Variants in FNDC3A observed in about 807,000 individuals in gnomAD.
The protein encoded by FNDC3A is fibronectin type III domain containing 3A.
Under a neutral mutation model 148.9 loss-of-function variants are expected in FNDC3A, and 32 were observed. The observed-to-expected ratio is 0.21, with a 90% CI of 0.16 to 0.29. The LOEUF (loss-of-function observed/expected upper bound fraction) is 0.29, where lower values mean the gene tolerates loss of function less well. FNDC3A is among the 10% of genes least tolerant of loss of function. FNDC3A has a pLI of 1.00. For missense variants in FNDC3A, 1,191 were observed against 1,452.8 expected (o/e 0.82, Z 2.93); for synonymous variants, 472 against 473.6 (o/e 1.00, Z 0.04).
chr13:49,013,497 T>C (rs1952405559), intron 2 of FNDC3A, among the ~76,000 whole-genome samples: 1 of 151,870 alleles, frequency 6.6e-6, no homozygotes, highest in Admixed American at 6.6e-5. Flanking sequence ...TATATACATG[T>C]ACATGCGTAT....
chr13:49,052,513 C>T (rs1001162117), intron 2 of FNDC3A, among the ~76,000 whole-genome samples: 1 of 152,158 alleles, frequency 6.6e-6, no homozygotes, highest in African/African-American at 2.4e-5. Flanking sequence ...CTGCAGAGTC[C>T]TGTGATATGA....
At chr13:48,996,587 T>C (rs1206882138) in intron 1 of FNDC3A, among the ~76,000 whole-genome samples, 1 of 152,212 alleles carries the variant, frequency 6.6e-6, no homozygotes, top group Non-Finnish European at 1.5e-5. Flanking sequence ...ATGCAAATAC[T>C]ACAACATTTA....
chr13:49,054,425 C>G (rs929826793), intron 2 of FNDC3A, among the ~76,000 whole-genome samples: 3 of 152,174 alleles, frequency 2.0e-5, no homozygotes, highest in African/African-American at 7.2e-5. Context: ...ACTACTGCCC[C>G]ACACATTGCA....
chr13:49,203,311 A>G, intron 25 of FNDC3A, 27 bp downstream of exon 25: 1 of 1,544,350 alleles, frequency 6.5e-7, no homozygotes, highest in Non-Finnish European at 8.8e-7. Flanking sequence ...TAATGTGTGG[A>G]TGCATATTTT....
intron 2 of FNDC3A, among the ~76,000 whole-genome samples, chr13:49,015,025 G>A (rs1952461961): frequency 6.6e-6 from 1 of 152,044 alleles, no homozygotes; most frequent in Non-Finnish European, 1.5e-5. Context: ...TTTGAAGTCA[G>A]GTAGCGTGAT....
At chr13:49,161,793 AG>A (rs1487376653) in intron 8 of FNDC3A, among the ~76,000 whole-genome samples, 1 of 152,184 alleles carries the variant, frequency 6.6e-6, no homozygotes, top group Non-Finnish European at 1.5e-5. Flanking sequence ...CTTGTAGGGC[AG>A]GCCTGGTGGT....
intron 2 of FNDC3A, among the ~76,000 whole-genome samples, chr13:49,015,866 G>C (rs1277332294): frequency 6.6e-6 from 1 of 151,486 alleles, no homozygotes; most frequent in African/African-American, 2.4e-5. Context: ...ATAATCATGT[G>C]GTTTTTGTCT....
chr13:49,175,530 G>A lies in FNDC3A; in HGVS notation c.1519G>A (p.Glu507Lys), dbSNP rs760573637. ...AATTTCTTACATTTTAGAGATGGAGGAAGAAACTTCAGTAAGTGCAAATAT... is the reference window on the plus strand; with the variant it reads ...AATTTCTTACATTTTAGAGATGGAGAAAGAAACTTCAGTAAGTGCAAATAT... The part of the protein sequence containing the change: ...EGISYILEME[E>K]ETSGYGFKPK... Residue 507 changes from glutamate (E) to lysine (K), a missense_variant, in exon 13 of 26, where the codon GAA becomes AAA. Glu to Lys is a moderately conservative substitution (Grantham distance 56, BLOSUM62 1). This residue lies in a region of FNDC3A where 751 missense variants were observed against 944.0 expected (regional missense o/e 0.80). Coordinates refer to ENST00000492622, the MANE Select transcript of FNDC3A (RefSeq NM_001079673.2). 6.2e-6 allele frequency: 10 copies of A among 1,604,440 alleles called. No homozygotes were observed. Among genetic ancestry groups the A allele is most frequent in the Non-Finnish European group, 8.5e-6 (10 of 1,175,096 alleles).
At chr13:49,056,956 A>G (rs1056854111) in intron 2 of FNDC3A, among the ~76,000 whole-genome samples, 1 of 152,192 alleles carries the variant, frequency 6.6e-6, no homozygotes, top group African/African-American at 2.4e-5. Context: ...ACAGTGGACT[A>G]ATTCTTCATG....
At position 49,145,877 on chromosome 13, in the gene FNDC3A, G is replaced by T; in HGVS notation, c.919G>T (p.Gly307Cys). Residue 307 changes from glycine (G) to cysteine (C), a missense_variant, in exon 8 of 26, where the codon GGT becomes TGT. Physicochemically the swap from Gly to Cys is radical, Grantham distance 159. This residue lies in a region of FNDC3A where 426 missense variants were observed against 473.2 expected (regional missense o/e 0.90). Coordinates refer to ENST00000492622, the MANE Select transcript of FNDC3A (RefSeq NM_001079673.2). ...TDESSVPELYGYEVLISSTGK... is the reference protein window; with the variant it reads ...TDESSVPELYCYEVLISSTGK... ...TGAAAGTAGTGTACCAGAGCTCTATGGTTATGAAGTTCTGATCTCAAGTAC... is the reference window on the plus strand; with the variant it reads ...TGAAAGTAGTGTACCAGAGCTCTATTGTTATGAAGTTCTGATCTCAAGTAC... The T allele has an allele frequency of 6.2e-7, 1 of 1,612,860 alleles. No individual in the cohort carries two copies. The highest frequency in any genetic ancestry group is 1.1e-5 in the South Asian group (1 of 91,006).
chr13:49,142,321 C>T (rs993914169), intron 7 of FNDC3A, among the ~76,000 whole-genome samples: 1 of 152,140 alleles, frequency 6.6e-6, no homozygotes, highest in Admixed American at 6.6e-5. Flanking sequence ...AGATCTCTTT[C>T]GTTTCTGTTT....
chr13:48,992,227 G>A (rs1362526136), intron 1 of FNDC3A, among the ~76,000 whole-genome samples: 2 of 152,192 alleles, frequency 1.3e-5, no homozygotes, highest in East Asian at 1.9e-4. Context: ...GAAAATCTCT[G>A]TGACCTTGCA....
chr13:49,065,589 A>AAT (rs1877210580), intron 2 of FNDC3A, among the ~76,000 whole-genome samples: 2 of 152,180 alleles, frequency 1.3e-5, no homozygotes, highest in Non-Finnish European at 2.9e-5. Flanking sequence ...ATTTTTGCTG[A>AAT]ATATATATGT....
chr13:49,038,069 G>A (rs1874632939), intron 2 of FNDC3A, among the ~76,000 whole-genome samples: 1 of 152,174 alleles, frequency 6.6e-6, no homozygotes, highest in African/African-American at 2.4e-5. Flanking sequence ...TTCCCCTGGA[G>A]TTTGGCCATC....
At chr13:49,043,626 A>G (rs1875126930) in intron 2 of FNDC3A, among the ~76,000 whole-genome samples, 3 of 152,168 alleles carry the variant, frequency 2.0e-5, no homozygotes, top group Admixed American at 6.5e-5. Context: ...TTTTAATTCA[A>G]TTTGATTTTC....
At chr13:49,187,807 A>G in intron 16 of FNDC3A, 1 of 633,322 alleles carries the variant, frequency 1.6e-6, no homozygotes, top group Middle Eastern at 4.3e-4. Flanking sequence ...GTTATGATCC[A>G]CTTTAAATTG....
At position 49,070,320 on chromosome 13, in the gene FNDC3A, A is replaced by G. The variant is rs1877565599; in HGVS notation, c.100-4969A>G. ...CTAATAAGTAGTGTTAAAATTTTTT[A>G]GTAGCCTCATTAAAAAAATAAAAAC... On this transcript the variant is annotated intron_variant, in intron 2 of 25. Transcript: ENST00000492622. Among the ~76,000 whole-genome samples, 3 of 152,124 alleles carry G rather than the reference A, an allele frequency of 2.0e-5. No homozygotes were observed. In the South Asian group the frequency reaches 6.2e-4, roughly 32 times the overall value.
At chr13:49,130,744 T>A (rs1881978585) in intron 4 of FNDC3A, among the ~76,000 whole-genome samples, 1 of 152,146 alleles carries the variant, frequency 6.6e-6, no homozygotes, top group Non-Finnish European at 1.5e-5. Flanking sequence ...TTTCTAATGG[T>A]GTAAAAATTC....
intron 3 of FNDC3A, among the ~76,000 whole-genome samples, chr13:49,095,139 A>G (rs1879440984): frequency 6.6e-6 from 1 of 151,960 alleles, no homozygotes; most frequent in Non-Finnish European, 1.5e-5. Context: ...TTAAAAATGT[A>G]TATATATTTT....
Sources: allele counts gnomAD v4.1 joint callset (sites outside exome capture counted in the v4.1 genomes callset), GRCh38; gene constraint gnomAD v4.1.1; regional missense constraint gnomAD v4.1.1; transcripts MANE v1.5; gene names NCBI Gene and HGNC (gene_info 2026-07-23, HGNC 2026-07-21).